The following CENPP variants were observed in gnomAD, a reference collection of about 807,000 sequenced individuals.
The protein encoded by CENPP is centromere protein P.
Under a neutral mutation model 35.6 loss-of-function variants are expected in CENPP, and 24 were observed. The observed-to-expected ratio is 0.67, with a 90% CI of 0.49 to 0.95. The LOEUF is 0.95. Among genes scored for constraint, CENPP ranks in the 40% least tolerant of loss-of-function variants. The probability of loss-of-function intolerance (pLI) is 0.00; values close to 1 mark genes in which losing one functional copy is unlikely to be tolerated. For missense variants in CENPP, 332 were observed against 345.3 expected (o/e 0.96, Z 0.31); for synonymous variants, 120 against 125.5 (o/e 0.96, Z 0.29).
At chr9:92,513,472 A>C (rs566363950) in intron 5 of CENPP, among the ~76,000 whole-genome samples, 1 of 152,208 alleles carries the variant, frequency 6.6e-6, no homozygotes, top group African/African-American at 2.4e-5. Flanking sequence ...ATGAACACTT[A>C]GGTCCACACA....
In CENPP at chr9:92,426,583, TA is replaced by T. The variant is rs1843973050; in HGVS notation, c.564+46729del. 3.9e-5 allele frequency among the ~76,000 whole-genome samples: 6 copies of T among 152,206 alleles called. No homozygotes were observed. The South Asian group carries it at 1.2e-3, about 32-fold the overall frequency. Reference sequence around the variant, plus strand: ...AAGAGAATAATGCAAGGTAAAGGGATAAAAATGAATGAGGCATGGGGGTACG... The same window carrying T: ...AAGAGAATAATGCAAGGTAAAGGGATAAAATGAATGAGGCATGGGGGTACG... On this transcript the variant is annotated intron_variant, in intron 5 of 7. Transcript: ENST00000375587.
chr9:92,571,732 T>C (rs1354842958), intron 5 of CENPP, among the ~76,000 whole-genome samples: 1 of 152,190 alleles, frequency 6.6e-6, no homozygotes, highest in Non-Finnish European at 1.5e-5. Flanking sequence ...TTTGTAGGTC[T>C]CTAAGGGCTT....
intron 4 of CENPP, among the ~76,000 whole-genome samples, chr9:92,361,389 C>T (rs1841744589): frequency 6.6e-6 from 1 of 151,824 alleles, no homozygotes; most frequent in African/African-American, 2.4e-5. Context: ...GATCCATGCA[C>T]CTCAGCCTCC....
chr9:92,471,474 C>T (rs377306545), intron 5 of CENPP, among the ~76,000 whole-genome samples: 22 of 152,084 alleles, frequency 1.4e-4, no homozygotes, highest in Middle Eastern at 6.8e-3. Flanking sequence ...GTATTACAGT[C>T]GTGAGCCACC....
rs553538610 is a variant in CENPP, at chr9:92,619,766, G to A, written c.*6617G>A. The A allele has an allele frequency of 5.9e-5, 35 of 597,120 alleles. No individual in the cohort carries two copies. The highest frequency in any genetic ancestry group is 1.0e-4 in the Non-Finnish European group (33 of 330,238). The allele number at this position is 597,120 out of a possible 1,614,324, so 37.0% of individuals were successfully genotyped here. On this transcript the variant is annotated 3_prime_UTR_variant, in exon 8 of 8. Transcript: ENST00000375587. Reference sequence around the variant, plus strand: ...CCTGGGCCAGCCCTCAGTGCCACGGGGCTGCTCAGAGGCCAGCACCGCCCC... The same window carrying A: ...CCTGGGCCAGCCCTCAGTGCCACGGAGCTGCTCAGAGGCCAGCACCGCCCC...
chr9:92,533,358 T>TATATATATGCTTTGGG (rs1554683178), intron 5 of CENPP, among the ~76,000 whole-genome samples: 1 of 126,988 alleles, frequency 7.9e-6, no homozygotes, highest in East Asian at 2.5e-4. Context: ...TATATATATA[T>TATATATATGCTTTGGG]GCTTTGGGTC....
chr9:92,412,209 C>G (rs1237244880), intron 5 of CENPP, among the ~76,000 whole-genome samples: 1 of 152,030 alleles, frequency 6.6e-6, no homozygotes, highest in African/African-American at 2.4e-5. Context: ...GCTTCAGCCT[C>G]TTGAATAGCT....
Position 92,330,606 on chromosome 9 carries a change from CAAAAA to C in CENPP, c.108-1558_108-1554del, listed in dbSNP as rs375580524. Among the ~76,000 whole-genome samples, 1,120 of 130,794 alleles carry C rather than the reference CAAAAA, an allele frequency of 8.6e-3. 11 individuals carry two copies. The highest frequency in any genetic ancestry group is 0.039 in the Middle Eastern group (9 of 228). 85.8% of individuals were successfully genotyped at this position (130,794 alleles called of 152,430 possible). A position where few individuals can be genotyped will look rare whatever the true frequency, so the allele number is the denominator to read the frequency against. ...AGTGTTTAAAGGAAATAATGGATGA[CAAAAA>C]AAAAATACCATCTAATACAATTATT... On this transcript the variant is annotated intron_variant, in intron 1 of 7. Transcript: ENST00000375587.
chr9:92,610,742 G>A (rs762078877), intron 5 of CENPP: 1 of 153,878 alleles, frequency 6.5e-6, no homozygotes, highest in Non-Finnish European at 1.4e-5. Flanking sequence ...GGCACAGTGA[G>A]GATACCAGGG....
At position 92,593,115 on chromosome 9, in the gene CENPP, G is replaced by A. The variant is rs1366506985; in HGVS notation, c.565-18199G>A. Among the ~76,000 whole-genome samples, 2 of 152,198 alleles carry A rather than the reference G, an allele frequency of 1.3e-5. No homozygotes were observed. Among genetic ancestry groups the A allele is most frequent in the African/African-American group, 4.8e-5 (2 of 41,450 alleles). Reference sequence around the variant, plus strand: ...GCAGCCCTGGCATCATCTGCCCTAAGCATCCACTTCTCAATCCCAGGTGGC... The same window carrying A: ...GCAGCCCTGGCATCATCTGCCCTAAACATCCACTTCTCAATCCCAGGTGGC... On this transcript the variant is annotated intron_variant, in intron 5 of 7. Coordinates refer to ENST00000375587, the MANE Select transcript of CENPP (RefSeq NM_001012267.3). This position sits in a 1 kb window ranked among gnomAD's most constrained non-coding sequence, Gnocchi z 4.1.
chr9:92,425,985 A>T (rs1843956109), intron 5 of CENPP, among the ~76,000 whole-genome samples: 1 of 152,214 alleles, frequency 6.6e-6, no homozygotes, highest in Non-Finnish European at 1.5e-5. Flanking sequence ...TGTGATTTGG[A>T]TTTATGATAT....
chr9:92,541,980 G>A (rs1849329212), intron 5 of CENPP, among the ~76,000 whole-genome samples: 1 of 152,098 alleles, frequency 6.6e-6, no homozygotes, highest in Admixed American at 6.6e-5. Flanking sequence ...TTTTAATAGA[G>A]ATGGGGTTTC....
At chr9:92,388,971 A>T (rs1335407681) in intron 5 of CENPP, among the ~76,000 whole-genome samples, 1 of 152,164 alleles carries the variant, frequency 6.6e-6, no homozygotes, top group Admixed American at 6.5e-5. Context: ...AAGATACCTT[A>T]ATTGTAATGA....
At chr9:92,334,047 A>G (rs990258870) in intron 2 of CENPP, among the ~76,000 whole-genome samples, 1 of 151,954 alleles carries the variant, frequency 6.6e-6, no homozygotes, top group African/African-American at 2.4e-5. Context: ...TGATTCTGTA[A>G]GAGTCGGTTT....
At chr9:92,465,009 C>T (rs1845252472) in intron 5 of CENPP, 1 of 1,613,278 alleles carries the variant, frequency 6.2e-7, no homozygotes, top group Non-Finnish European at 8.5e-7. Context: ...CCATTATTAT[C>T]AAGAGGGTTT....
At chr9:92,370,123 T>TTTGTATATG (rs1238545319) in intron 4 of CENPP, among the ~76,000 whole-genome samples, 1 of 152,240 alleles carries the variant, frequency 6.6e-6, no homozygotes, top group Non-Finnish European at 1.5e-5. Flanking sequence ...CATTTATTGA[T>TTTGTATATG]TTGTATATGT....
chr9:92,442,698 A>T (rs925354287), intron 5 of CENPP, among the ~76,000 whole-genome samples: 4 of 151,792 alleles, frequency 2.6e-5, no homozygotes, highest in Admixed American at 6.6e-5. Context: ...TACAAAAAAA[A>T]ATTAGCCAGG....
intron 5 of CENPP, among the ~76,000 whole-genome samples, chr9:92,446,091 A>T (rs1044451557): frequency 6.6e-6 from 1 of 152,208 alleles, no homozygotes; most frequent in Middle Eastern, 3.4e-3. Flanking sequence ...AGAAAAAAAA[A>T]CTCTCCATCA....
intron 5 of CENPP, among the ~76,000 whole-genome samples, chr9:92,535,658 AAATT>A (rs1288064414): frequency 6.6e-6 from 1 of 152,184 alleles, no homozygotes; most frequent in African/African-American, 2.4e-5. Flanking sequence ...TAGGACTTAA[AAATT>A]AATAATATTT....
Sources: gnomAD v4.1 joint callset for allele counts (sites outside exome capture counted in the v4.1 genomes callset) on GRCh38, gnomAD v4.1.1 for gene constraint, Gnocchi (gnomAD v3.1) non-coding constraint, MANE v1.5 for transcripts, NCBI Gene and HGNC (gene_info 2026-07-23, HGNC 2026-07-21) for gene names.